The following NBAS variants were observed in gnomAD, a reference collection of about 807,000 sequenced individuals.
The protein encoded by NBAS is NAG/BC035112 fusion.
Under a neutral mutation model 302.5 loss-of-function variants are expected in NBAS, and 219 were observed. The observed-to-expected ratio is 0.72, with a 90% CI of 0.65 to 0.81. NBAS has a LOEUF of 0.81. Among genes scored for constraint, NBAS ranks in the 30% least tolerant of loss-of-function variants. The pLI is 0.00. For missense variants in NBAS, 2,932 were observed against 2,841.6 expected (o/e 1.03, Z -0.72); for synonymous variants, 1,118 against 1,021.6 (o/e 1.09, Z -1.80).
intron 11 of NBAS, among the ~76,000 whole-genome samples, chr2:15,499,761 C>T (rs1431522539): frequency 1.3e-5 from 2 of 151,970 alleles, no homozygotes; most frequent in African/African-American, 4.8e-5. Flanking sequence ...CCTGAACTTA[C>T]AATAAAAGTT....
rs1674924140 is a variant in NBAS, at chr2:15,379,517, A to G, written c.3590+85T>C. On this transcript the variant is annotated intron_variant, in intron 30 of 51. Coordinates refer to ENST00000281513, the MANE Select transcript of NBAS (RefSeq NM_015909.4). The stretch of plus-strand genomic sequence containing the variant: ...AGTCAATCTGTACCTGTGATAATAT[A>G]TTTGGTAAAGAAAAGAATAACAATG... The G allele has an allele frequency of 7.5e-6, 10 of 1,334,342 alleles. No individual in the cohort carries two copies. The Admixed American group carries it at 1.8e-4, about 24-fold the overall frequency. 82.7% of individuals were successfully genotyped at this position (1,334,342 alleles called of 1,614,324 possible). A position where few individuals can be genotyped will look rare whatever the true frequency, so the allele number is the denominator to read the frequency against.
At chr2:15,259,579 T>C (rs993595459) in intron 44 of NBAS, among the ~76,000 whole-genome samples, 1 of 152,218 alleles carries the variant, frequency 6.6e-6, no homozygotes, top group Non-Finnish European at 1.5e-5. Flanking sequence ...ACCTAGTGTG[T>C]TTCCTGAAGG....
the NBAS span, among the ~76,000 whole-genome samples, chr2:14,836,684 A>G: frequency 6.6e-6 from 1 of 152,010 alleles, no homozygotes; most frequent in African/African-American, 2.4e-5. Flanking sequence ...GAAGCCCTCT[A>G]TTATTCCATA....
At chr2:15,028,658 C>A in the NBAS span, among the ~76,000 whole-genome samples, 3 of 152,248 alleles carry the variant, frequency 2.0e-5, no homozygotes, top group East Asian at 5.8e-4. Flanking sequence ...TGTCCTCAAA[C>A]CCAAAAAGCT....
chr2:15,448,675 T>C (rs182789501), intron 21 of NBAS, among the ~76,000 whole-genome samples: 258 of 152,310 alleles, frequency 1.7e-3, no homozygotes, highest in African/African-American at 6.0e-3. Context: ...TTAAATGAAA[T>C]AGGCACACAC....
intron 48 of NBAS, among the ~76,000 whole-genome samples, chr2:15,197,260 G>T (rs1422826048): frequency 6.6e-6 from 1 of 152,174 alleles, no homozygotes. Context: ...ATGAAGTGAA[G>T]CATAAACATA....
At chr2:15,201,489 GACTA>G in intron 48 of NBAS, among the ~76,000 whole-genome samples, 1 of 152,158 alleles carries the variant, frequency 6.6e-6, no homozygotes, top group Non-Finnish European at 1.5e-5. Context: ...ATAAGCTGTT[GACTA>G]CCAACATTCC....
intron 35 of NBAS, among the ~76,000 whole-genome samples, chr2:15,349,840 T>C (rs1673265382): frequency 6.6e-6 from 1 of 152,148 alleles, no homozygotes; most frequent in Non-Finnish European, 1.5e-5. Context: ...ATCCCTTAAG[T>C]GCACTAGTGA....
the NBAS span, among the ~76,000 whole-genome samples, chr2:14,941,769 C>T: frequency 1.2e-4 from 18 of 152,350 alleles, 1 homozygote. Flanking sequence ...TTTTCAGCCA[C>T]AGATTGTTAT....
intron 45 of NBAS, among the ~76,000 whole-genome samples, chr2:15,238,123 G>A (rs1403688538): frequency 6.6e-6 from 1 of 151,996 alleles, no homozygotes; most frequent in Non-Finnish European, 1.5e-5. Flanking sequence ...TAAAGTCTGA[G>A]CACCACTGTC....
At chr2:15,008,527 C>T in the NBAS span, among the ~76,000 whole-genome samples, 1 of 152,198 alleles carries the variant, frequency 6.6e-6, no homozygotes, top group Non-Finnish European at 1.5e-5. Context: ...TCTCATGTCC[C>T]TTCCACAAGG....
At chr2:15,232,330 C>A (rs191117862) in intron 47 of NBAS, 92 bp downstream of exon 47, 7 of 1,250,074 alleles carry the variant, frequency 5.6e-6, no homozygotes, top group African/African-American at 3.0e-5. Flanking sequence ...GTGGCTTAGT[C>A]TTGGAAGCCT....
the NBAS span, among the ~76,000 whole-genome samples, chr2:14,797,884 T>C: frequency 1.3e-5 from 2 of 152,168 alleles, no homozygotes; most frequent in Non-Finnish European, 2.9e-5. Flanking sequence ...ATCACTATTG[T>C]TTTTCTAATT....
chr2:14,922,980 G>A, the NBAS span, among the ~76,000 whole-genome samples: 121 of 152,072 alleles, frequency 8.0e-4, no homozygotes, highest in African/African-American at 2.8e-3. Context: ...GTGAAACCCC[G>A]CCTCTACTAA....
At chr2:15,447,165 A>G (rs967426850) in intron 21 of NBAS, among the ~76,000 whole-genome samples, 1 of 152,236 alleles carries the variant, frequency 6.6e-6, no homozygotes. Context: ...ACGCTGAACC[A>G]TATTGAACCA....
At chr2:15,474,834 T>G (rs1160415590) in intron 14 of NBAS, among the ~76,000 whole-genome samples, 1 of 152,186 alleles carries the variant, frequency 6.6e-6, no homozygotes, top group Non-Finnish European at 1.5e-5. Context: ...GTGCTGGGAT[T>G]AGAGGTGTGA....
At chr2:15,372,968 G>GCACA (rs141915482) in intron 31 of NBAS, among the ~76,000 whole-genome samples, 2 of 151,760 alleles carry the variant, frequency 1.3e-5, no homozygotes, top group Non-Finnish European at 2.9e-5. Context: ...AGACACACAG[G>GCACA]CACACACACA....
the NBAS span, among the ~76,000 whole-genome samples, chr2:14,811,131 G>C: frequency 6.6e-6 from 1 of 152,204 alleles, no homozygotes; most frequent in African/African-American, 2.4e-5. Flanking sequence ...TTTTAGGCCA[G>C]GTGTGGTGGT....
chr2:15,533,231 A>G (rs1345697400), intron 9 of NBAS, among the ~76,000 whole-genome samples: 3 of 152,310 alleles, frequency 2.0e-5, no homozygotes, highest in Middle Eastern at 3.4e-3. Flanking sequence ...AAAGTTGAAG[A>G]TGTACTAACC....
Sources: allele counts gnomAD v4.1 joint callset (sites outside exome capture counted in the v4.1 genomes callset), GRCh38; gene constraint gnomAD v4.1.1; transcripts MANE v1.5; gene names NCBI Gene and HGNC (gene_info 2026-07-23, HGNC 2026-07-21).